Variants in CTNNA2 observed in about 807,000 individuals in gnomAD.
CTNNA2 encodes catenin alpha 2.
A neutral mutation model predicts 101.0 loss-of-function variants in CTNNA2; 42 were observed. That is an observed-to-expected ratio of 0.42 (90% CI 0.32 to 0.54). The LOEUF (loss-of-function observed/expected upper bound fraction) is 0.54, where lower values mean the gene tolerates loss of function less well. Ranked by LOEUF, CTNNA2 falls within the 20% of genes least tolerant of loss-of-function variation. The probability of loss-of-function intolerance (pLI) is 0.14; values close to 1 mark genes in which losing one functional copy is unlikely to be tolerated. For missense variants in CTNNA2, 871 were observed against 1,223.1 expected (o/e 0.71, Z 4.29); for synonymous variants, 450 against 456.4 (o/e 0.99, Z 0.18).
intron 9 of CTNNA2, among the ~76,000 whole-genome samples, chr2:80,542,998 C>A (rs548322487): frequency 6.6e-6 from 1 of 152,110 alleles, no homozygotes; most frequent in South Asian, 2.1e-4. Flanking sequence ...AGAAGGTGAA[C>A]ATTTGTCTTG....
chr2:79,207,939 C>T (rs1674121988), intron 2 of CTNNA2, among the ~76,000 whole-genome samples: 1 of 152,148 alleles, frequency 6.6e-6, no homozygotes, highest in African/African-American at 2.4e-5. Context: ...GAAACTTTAC[C>T]TGAGCCTTGT....
rs559993323 is a variant in CTNNA2 at position 79,729,604 on chromosome 2, T to G, written c.103-14783T>G. 2.6e-5 allele frequency among the ~76,000 whole-genome samples: 4 copies of G among 152,208 alleles called. No individual in the cohort carries two copies. The South Asian group carries it at 8.3e-4, about 32-fold the overall frequency. ...TTAGAAAATGAGCTGCTTTCTTTTTTTGTGTGAATTGTCCAAATAAAGGTT... is the reference window on the plus strand; with the variant it reads ...TTAGAAAATGAGCTGCTTTCTTTTTGTGTGTGAATTGTCCAAATAAAGGTT... On this transcript the variant is annotated intron_variant, in intron 2 of 18. Coordinates refer to ENST00000402739, the MANE Select transcript of CTNNA2 (RefSeq NM_001282597.3).
intron 9 of CTNNA2, among the ~76,000 whole-genome samples, chr2:80,512,953 A>G (rs962048930): frequency 6.6e-6 from 1 of 152,034 alleles, no homozygotes; most frequent in Non-Finnish European, 1.5e-5. Flanking sequence ...TATCTATGCT[A>G]CAACTGATTT....
chr2:79,228,061 G>T (rs1674443559), intron 2 of CTNNA2, among the ~76,000 whole-genome samples: 1 of 152,202 alleles, frequency 6.6e-6, no homozygotes, highest in Non-Finnish European at 1.5e-5. Flanking sequence ...CTCCATCCAT[G>T]ATGCTGCAAA....
chr2:80,558,938 G>T (rs1693302435), intron 12 of CTNNA2, among the ~76,000 whole-genome samples: 1 of 152,202 alleles, frequency 6.6e-6, no homozygotes, highest in East Asian at 1.9e-4. Flanking sequence ...TGACACTTTG[G>T]TCTGAACAGT....
In CTNNA2 at chr2:80,647,961, T is replaced by TGG; in HGVS notation, c.*89_*90insGG. 7.9e-7 allele frequency: 1 copy of TGG among 1,258,654 alleles called. No individual in the cohort carries two copies. Among genetic ancestry groups the TGG allele is most frequent in the Non-Finnish European group, 1.1e-6 (1 of 914,172 alleles). 78.0% of individuals were successfully genotyped at this position (1,258,654 alleles called of 1,614,324 possible). ...CATTTTTGTATGCATACCTGCCAGC[T>TGG]CGTATGCCTCTGGCATGGGGAAATT... On this transcript the variant is annotated 3_prime_UTR_variant, in exon 19 of 19. Coordinates refer to ENST00000402739, the MANE Select transcript of CTNNA2 (RefSeq NM_001282597.3).
At chr2:79,962,730 C>T (rs1165836877) in intron 7 of CTNNA2, among the ~76,000 whole-genome samples, 1 of 152,120 alleles carries the variant, frequency 6.6e-6, no homozygotes, top group Admixed American at 6.6e-5. Flanking sequence ...TGTTGGTGCA[C>T]ATTGGAGCCA....
At chr2:80,318,535 G>A (rs968620378) in intron 7 of CTNNA2, among the ~76,000 whole-genome samples, 2 of 152,226 alleles carry the variant, frequency 1.3e-5, no homozygotes, top group East Asian at 1.9e-4. Flanking sequence ...CTAAGATCCC[G>A]TTGAGCTTTG....
intron 1 of CTNNA2, among the ~76,000 whole-genome samples, chr2:79,623,117 A>G (rs1679096406): frequency 6.6e-6 from 1 of 152,166 alleles, no homozygotes; most frequent in Admixed American, 6.5e-5. Context: ...CATGAATCAT[A>G]GTCTATCAGC....
chr2:79,216,546 G>T (rs1302361832), intron 2 of CTNNA2, among the ~76,000 whole-genome samples: 1 of 151,808 alleles, frequency 6.6e-6, no homozygotes, highest in Non-Finnish European at 1.5e-5. Context: ...AAGGGATTGG[G>T]GCACAGAGAT....
At chr2:79,288,758 C>G (rs116592723) in intron 2 of CTNNA2, among the ~76,000 whole-genome samples, 3 of 152,124 alleles carry the variant, frequency 2.0e-5, no homozygotes. Context: ...AGTAATACTT[C>G]TAATGTATTC....
At chr2:80,290,298 G>A (rs949076195) in intron 7 of CTNNA2, among the ~76,000 whole-genome samples, 4 of 152,126 alleles carry the variant, frequency 2.6e-5, no homozygotes, top group African/African-American at 9.7e-5. Flanking sequence ...AGAAGGAGCT[G>A]ATAAGACAAA....
intron 15 of CTNNA2, among the ~76,000 whole-genome samples, chr2:80,589,768 C>G (rs1696274982): frequency 6.6e-6 from 1 of 151,686 alleles, no homozygotes; most frequent in South Asian, 2.1e-4. Context: ...GGTGACTCAT[C>G]TTTGGTCTGT....
At chr2:79,840,412 A>G (rs1387099286) in intron 3 of CTNNA2, among the ~76,000 whole-genome samples, 1 of 152,168 alleles carries the variant, frequency 6.6e-6, no homozygotes, top group Non-Finnish European at 1.5e-5. Context: ...AGCTTGCATT[A>G]TTTCAATCAT....
At chr2:80,646,544 G>C (rs2149871347) in intron 18 of CTNNA2, among the ~76,000 whole-genome samples, 1 of 152,046 alleles carries the variant, frequency 6.6e-6, no homozygotes, top group Middle Eastern at 3.4e-3. Flanking sequence ...ATAGTGTATA[G>C]ATAAATAGGT....
intron 7 of CTNNA2, among the ~76,000 whole-genome samples, chr2:80,362,367 C>T (rs1239765849): frequency 6.6e-6 from 1 of 152,016 alleles, no homozygotes; most frequent in African/African-American, 2.4e-5. Context: ...GAGGTCTCTT[C>T]TCTATTTTCA....
chr2:79,897,930 A>G (rs1684824921), intron 6 of CTNNA2, among the ~76,000 whole-genome samples: 1 of 150,998 alleles, frequency 6.6e-6, no homozygotes, highest in African/African-American at 2.4e-5. Flanking sequence ...GCTCCTTGAA[A>G]CCTCTTTTAT....
At chr2:79,373,706 A>T (rs1276581280) in intron 3 of CTNNA2, 1 of 152,134 alleles carries the variant, frequency 6.6e-6, no homozygotes, top group Non-Finnish European at 1.5e-5. Flanking sequence ...CAGACCTTAA[A>T]TGGTGTTGGA....
intron 7 of CTNNA2, among the ~76,000 whole-genome samples, chr2:80,097,742 T>G (rs1055671392): frequency 3.3e-5 from 5 of 152,208 alleles, no homozygotes; most frequent in African/African-American, 4.8e-5. Flanking sequence ...TCTTCTCACT[T>G]CATTTCATTC....
Sources: allele counts gnomAD v4.1 joint callset (sites outside exome capture counted in the v4.1 genomes callset), GRCh38; gene constraint gnomAD v4.1.1; transcripts MANE v1.5; gene names NCBI Gene and HGNC (gene_info 2026-07-23, HGNC 2026-07-21).